Variants in KCNMA1 observed in about 807,000 individuals in gnomAD.
KCNMA1 encodes Calcium-activated potassium channel subunit alpha-1.
KCNMA1 carries 29 observed loss-of-function variants against 140.0 expected under a neutral mutation model. The observed-to-expected ratio is 0.21, with a 90% CI of 0.15 to 0.28. The LOEUF is 0.28. KCNMA1 is among the 10% of genes least tolerant of loss of function. The pLI is 1.00. For missense variants in KCNMA1, 880 were observed against 1,602.2 expected, an observed-to-expected ratio of 0.55 and a Z score of 7.70; for synonymous variants, 612 against 611.9, an observed-to-expected ratio of 1.00 and a Z score of 0.00.
At chr10:77,287,006 C>A (rs2071221346) in intron 2 of KCNMA1, among the ~76,000 whole-genome samples, 1 of 152,150 alleles carries the variant, frequency 6.6e-6, no homozygotes, top group Admixed American at 6.5e-5. Flanking sequence ...TGAGCTATGG[C>A]CTTCATCCAA....
intron 2 of KCNMA1, among the ~76,000 whole-genome samples, chr10:77,260,922 T>C (rs1213803586): frequency 2.6e-5 from 4 of 152,116 alleles, no homozygotes; most frequent in Non-Finnish European, 5.9e-5. Flanking sequence ...TGGAGAGGCA[T>C]AAAATAATGG....
chr10:77,318,358 A>G (rs954202281), intron 2 of KCNMA1, among the ~76,000 whole-genome samples: 1 of 152,228 alleles, frequency 6.6e-6, no homozygotes, highest in Non-Finnish European at 1.5e-5. Context: ...ATCAGACTCA[A>G]GATGCATAGC....
chr10:77,368,372 A>AT (rs2094491219), intron 2 of KCNMA1, among the ~76,000 whole-genome samples: 3 of 152,136 alleles, frequency 2.0e-5, no homozygotes, highest in Admixed American at 2.0e-4. Context: ...TCTTTTGCCC[A>AT]TTTTCCAGTT....
intron 19 of KCNMA1, among the ~76,000 whole-genome samples, chr10:76,992,707 C>G (rs2083136233): frequency 6.6e-6 from 1 of 152,150 alleles, no homozygotes; most frequent in Non-Finnish European, 1.5e-5. Flanking sequence ...CAATGGTGTA[C>G]ACAAATGCCA....
chr10:77,418,285 C>T (rs974802213), intron 1 of KCNMA1, among the ~76,000 whole-genome samples: 13 of 152,170 alleles, frequency 8.5e-5, no homozygotes, highest in Non-Finnish European at 1.6e-4. Flanking sequence ...TACTTGGCTC[C>T]GCTAGACCCA....
At chr10:77,008,666 G>C (rs2089873953) in intron 18 of KCNMA1, among the ~76,000 whole-genome samples, 1 of 152,196 alleles carries the variant, frequency 6.6e-6, no homozygotes, top group Non-Finnish European at 1.5e-5. Context: ...GGCTGGGTTG[G>C]GGAAGGAGGG....
intron 5 of KCNMA1, among the ~76,000 whole-genome samples, chr10:77,159,171 A>G (rs755167132): frequency 6.6e-6 from 1 of 152,152 alleles, no homozygotes; most frequent in Non-Finnish European, 1.5e-5. Context: ...AAACCATCCA[A>G]TGTCTGAGAG....
intron 15 of KCNMA1, among the ~76,000 whole-genome samples, chr10:77,035,964 C>A (rs753835962): frequency 1.3e-5 from 2 of 152,096 alleles, no homozygotes; most frequent in African/African-American, 2.4e-5. Context: ...GAGGGTGTTA[C>A]CAAAGGAGAT....
chr10:77,028,280 C>A (rs750118521), intron 15 of KCNMA1, among the ~76,000 whole-genome samples: 1 of 152,150 alleles, frequency 6.6e-6, no homozygotes. Flanking sequence ...GATTCCGTTT[C>A]GGTCTTTTGT....
At chr10:77,447,791 C>A (rs1336151808) in intron 1 of KCNMA1, among the ~76,000 whole-genome samples, 1 of 152,192 alleles carries the variant, frequency 6.6e-6, no homozygotes, top group Non-Finnish European at 1.5e-5. Context: ...TTTAGTGACA[C>A]CTTCTCATCA....
At chr10:77,069,797 C>T (rs922748259) in intron 14 of KCNMA1, among the ~76,000 whole-genome samples, 1 of 152,056 alleles carries the variant, frequency 6.6e-6, no homozygotes, top group African/African-American at 2.4e-5. Context: ...TTCCTGTATG[C>T]CAGTAGTCCC....
chr10:76,948,937 G>C (rs1039215649), intron 22 of KCNMA1: 3 of 627,150 alleles, frequency 4.8e-6, no homozygotes, highest in Non-Finnish European at 8.6e-6. Context: ...ATGAGGGACT[G>C]AACTTGGCTG....
intron 1 of KCNMA1, among the ~76,000 whole-genome samples, chr10:77,572,578 A>ATC: frequency 1.2e-5 from 1 of 81,016 alleles, no homozygotes; most frequent in South Asian, 4.0e-4. Flanking sequence ...CCATATATAT[A>ATC]TATATATATA....
chr10:77,171,875 A>G (rs1371289036), intron 5 of KCNMA1, among the ~76,000 whole-genome samples: 1 of 152,122 alleles, frequency 6.6e-6, no homozygotes, highest in Non-Finnish European at 1.5e-5. Flanking sequence ...TTGGGCTGGG[A>G]TGGCCAACTT....
chr10:77,572,670 C>T (rs1305854927), intron 1 of KCNMA1, among the ~76,000 whole-genome samples: 4 of 131,738 alleles, frequency 3.0e-5, no homozygotes, highest in South Asian at 2.5e-4. Flanking sequence ...GCAGGATAAT[C>T]GCTTGAGCTC....
rs1603631409 is a variant in KCNMA1 at position 77,512,869 on chromosome 10, C to T, written c.379-108846G>A. Among the ~76,000 whole-genome samples the T allele has an allele frequency of 1.3e-5, 2 of 152,148 alleles. 1 individual carries two copies. The highest frequency in any genetic ancestry group is 4.1e-4 in the South Asian group (2 of 4,824). On this transcript the variant is annotated intron_variant, in intron 1 of 27. Transcript: ENST00000286628. ...GTATATCCGACTTGAGCCTTAAGTC[C>T]AAGCCACCGTTCCACTATTAACTCC...
At position 76,961,127 on chromosome 10, in the gene KCNMA1, A is replaced by G. The variant is rs1565209124; in HGVS notation, c.2361-7203T>C. On this transcript the variant is annotated intron_variant, in intron 20 of 27. Coordinates refer to ENST00000286628, the MANE Select transcript of KCNMA1 (RefSeq NM_001161352.2). ...ATGAATCTGGGCAAAATAAATTGAAAAACTTCTGAAAAAGAATCGCCATTC... is the reference window on the plus strand; with the variant it reads ...ATGAATCTGGGCAAAATAAATTGAAGAACTTCTGAAAAAGAATCGCCATTC... Among the ~76,000 whole-genome samples, 7 of 151,274 alleles carry G rather than the reference A, an allele frequency of 4.6e-5. No homozygotes were observed. The Admixed American group carries it at 4.6e-4, about 10-fold the overall frequency.
chr10:77,191,360 T>C (rs2098936878), intron 3 of KCNMA1, among the ~76,000 whole-genome samples: 1 of 152,180 alleles, frequency 6.6e-6, no homozygotes, highest in South Asian at 2.1e-4. Flanking sequence ...AATATTTATA[T>C]AGAACATTTT....
intron 19 of KCNMA1, among the ~76,000 whole-genome samples, chr10:76,972,694 A>G (rs530311073): frequency 6.6e-6 from 1 of 152,292 alleles, no homozygotes; most frequent in South Asian, 2.1e-4. Context: ...TCCAAAATGA[A>G]ACTTGTGTTT....
Sources: allele counts gnomAD v4.1 joint callset (sites outside exome capture counted in the v4.1 genomes callset), GRCh38; gene constraint gnomAD v4.1.1; transcripts MANE v1.5; gene names NCBI Gene and HGNC (gene_info 2026-07-23, HGNC 2026-07-21).